The following MCPH1 variants were observed in gnomAD, a reference collection of about 807,000 sequenced individuals.
MCPH1 encodes microcephalin 1, also known as microcephalin.
MCPH1 carries 104 observed loss-of-function variants against 84.5 expected under a neutral mutation model. That is an observed-to-expected ratio of 1.23 (90% CI 1.05 to 1.45). The LOEUF (loss-of-function observed/expected upper bound fraction) is 1.45, where lower values mean the gene tolerates loss of function less well. Among genes scored for constraint, MCPH1 ranks in the 40% most tolerant of loss-of-function variants. The probability of loss-of-function intolerance (pLI) is 0.00; values close to 1 mark genes in which losing one functional copy is unlikely to be tolerated. For synonymous variants in MCPH1, 514 were observed against 366.8 expected (o/e 1.40, Z -4.58); for missense variants, 1,498 against 1,005.7 (o/e 1.49, Z -6.62).
intron 9 of MCPH1, among the ~76,000 whole-genome samples, chr8:6,459,327 G>A (rs1266530494): frequency 6.6e-6 from 1 of 152,078 alleles, no homozygotes; most frequent in Non-Finnish European, 1.5e-5. Flanking sequence ...CCAGGCTGGA[G>A]TGCAATGGCA....
At chr8:6,424,691 C>T (rs1053761272) in intron 3 of MCPH1, among the ~76,000 whole-genome samples, 2 of 152,318 alleles carry the variant, frequency 1.3e-5, no homozygotes, top group South Asian at 2.1e-4. Context: ...CCATTTAGGA[C>T]TGGGCAAATT....
At chr8:6,621,211 C>CTT in intron 12 of MCPH1, 30 of 502,320 alleles carry the variant, frequency 6.0e-5, no homozygotes, top group East Asian at 1.5e-4. Flanking sequence ...AAGGCCTACA[C>CTT]TTTTTTTTTT....
At chr8:6,410,091 T>G (rs976045024) in intron 2 of MCPH1, among the ~76,000 whole-genome samples, 1 of 152,070 alleles carries the variant, frequency 6.6e-6, no homozygotes, top group African/African-American at 2.4e-5. Flanking sequence ...TGCCTCAGCC[T>G]TCCAAGTATC....
intron 12 of MCPH1, among the ~76,000 whole-genome samples, chr8:6,548,283 T>C (rs147296023): frequency 6.6e-6 from 1 of 152,294 alleles, no homozygotes; most frequent in African/African-American, 2.4e-5. Context: ...GTGGTGTGTG[T>C]AGACCTGACA....
intron 9 of MCPH1, among the ~76,000 whole-genome samples, chr8:6,462,743 A>G (rs535668056): frequency 6.6e-6 from 1 of 152,346 alleles, no homozygotes; most frequent in South Asian, 2.1e-4. Flanking sequence ...AATAATAATA[A>G]TAGTACCAGT....
Position 6,643,141 on chromosome 8 carries a change from C to G in MCPH1, c.*92C>G, listed in dbSNP as rs1798044587. 1.8e-6 allele frequency: 2 copies of G among 1,094,690 alleles called. No individual in the cohort carries two copies. The highest frequency in any genetic ancestry group is 2.4e-5 in the East Asian group (1 of 41,840). 67.8% of individuals were successfully genotyped at this position (1,094,690 alleles called of 1,614,324 possible). ...GAAACAAAACTGTGAAGAGAAGGAA[C>G]TGGCGTATACAAGATGACTTCTGAT... On this transcript the variant is annotated 3_prime_UTR_variant, in exon 14 of 14. Coordinates refer to ENST00000344683, the MANE Select transcript of MCPH1 (RefSeq NM_024596.5).
rs532209719 is a variant in MCPH1, at chr8:6,645,953, G to C, written c.*2904G>C. 5.9e-5 allele frequency: 9 copies of C among 152,246 alleles called. No homozygotes were observed. The highest frequency in any genetic ancestry group is 2.2e-4 in the African/African-American group (9 of 41,530). The allele number at this position is 152,246 out of a possible 1,614,324, so 9.4% of individuals were successfully genotyped here. The stretch of plus-strand genomic sequence containing the variant: ...TTAAGATGATAGTCCTCAAATTGAC[G>C]TATAGATTCAATGCAATCCATTAAA... On this transcript the variant is annotated 3_prime_UTR_variant, in exon 14 of 14. Coordinates refer to ENST00000344683, the MANE Select transcript of MCPH1 (RefSeq NM_024596.5).
intron 9 of MCPH1, among the ~76,000 whole-genome samples, chr8:6,464,270 A>T (rs1029300711): frequency 6.6e-6 from 1 of 151,972 alleles, no homozygotes; most frequent in African/African-American, 2.4e-5. Context: ...AGTGGCGGGG[A>T]TGTGCTCGTT....
In MCPH1 at chr8:6,445,305, C is replaced by G. The variant is rs770430957; in HGVS notation, c.1583C>G (p.Thr528Ser). Reference sequence around the variant, plus strand: ...CCAGAGGGAAATGGCTTTTCTTACACCATTGAGGACCCTGCTCTTCCAAAA... The same window carrying G: ...CCAGAGGGAAATGGCTTTTCTTACAGCATTGAGGACCCTGCTCTTCCAAAA... ...ACPEGNGFSY[T>S]IEDPALPKGH... is the part of the protein sequence containing the mutation. Residue 528 changes from threonine to serine, a missense_variant, in exon 8 of 14, where the codon ACC (threonine) becomes AGC (serine). Physicochemically the swap from Thr to Ser is moderately conservative, Grantham distance 58. Coordinates refer to ENST00000344683, the MANE Select transcript of MCPH1 (RefSeq NM_024596.5). 2 of 1,614,182 alleles carry G rather than the reference C, an allele frequency of 1.2e-6. No homozygotes were observed. Among genetic ancestry groups the G allele is most frequent in the Non-Finnish European group, 8.5e-7 (1 of 1,180,034 alleles).
At position 6,593,964 on chromosome 8, in the gene MCPH1, G is replaced by T. The variant is rs186614333; in HGVS notation, c.2215-27490G>T. On this transcript the variant is annotated intron_variant, in intron 12 of 13. Transcript: ENST00000344683. The stretch of plus-strand genomic sequence containing the variant: ...CAGGTAGACAGAAGCATGGATAGAA[G>T]GCTGGTGGTGAGCTCCAGGTGCCTT... Among the ~76,000 whole-genome samples the T allele has an allele frequency of 4.4e-3, 673 of 152,352 alleles. 15 individuals are homozygous for T. Among genetic ancestry groups the T allele is most frequent in the African/African-American group, 0.015 (634 of 41,586 alleles).
intron 11 of MCPH1, chr8:6,494,074 G>A (rs1267593362): frequency 2.0e-5 from 3 of 152,148 alleles, no homozygotes; most frequent in Admixed American, 1.3e-4. Flanking sequence ...TTGAGTAGCT[G>A]GGATTACAGG....
intron 3 of MCPH1, among the ~76,000 whole-genome samples, chr8:6,415,703 G>C (rs2129551769): frequency 6.6e-6 from 1 of 152,254 alleles, no homozygotes; most frequent in East Asian, 1.9e-4. Context: ...AAATTGGGAA[G>C]TACGAGTCCT....
chr8:6,600,069 T>A (rs184490055), intron 12 of MCPH1, among the ~76,000 whole-genome samples: 1 of 152,378 alleles, frequency 6.6e-6, no homozygotes, highest in Non-Finnish European at 1.5e-5. Context: ...AATAGTTCGC[T>A]TCATGCTAAA....
In MCPH1 at chr8:6,445,336, T is replaced by C. The variant is rs1450443070; in HGVS notation, c.1614T>C (p.His538=). The C allele has an allele frequency of 3.1e-6, 5 of 1,614,080 alleles. No individual in the cohort carries two copies. Among genetic ancestry groups the C allele is most frequent in the Admixed American group, 3.3e-5 (2 of 60,004 alleles). ...TIEDPALPKG[H]DDDLTPLEGS... ...AGGACCCTGCTCTTCCAAAAGGACA[T>C]GATGATGATTTAACTCCTTTGGAAG... The change falls in exon 8 of 14, where the codon CAT becomes CAC. Residue 538 remains histidine (H), a synonymous_variant. Transcript: ENST00000344683.
intron 13 of MCPH1, among the ~76,000 whole-genome samples, chr8:6,622,989 C>T (rs1385772886): frequency 1.3e-5 from 2 of 151,118 alleles, no homozygotes; most frequent in Non-Finnish European, 2.9e-5. Context: ...TACAGGTGCA[C>T]ACCACGATGC....
intron 13 of MCPH1, among the ~76,000 whole-genome samples, chr8:6,641,206 T>C (rs1186813247): frequency 6.6e-6 from 1 of 152,226 alleles, no homozygotes; most frequent in Non-Finnish European, 1.5e-5. Flanking sequence ...GCATCATTTT[T>C]TCTGCATTTT....
chr8:6,444,432 A>G lies in MCPH1; in HGVS notation c.710A>G (p.Asp237Gly), dbSNP rs1048177596. The G allele has an allele frequency of 2.5e-6, 4 of 1,614,034 alleles. No homozygotes were observed. In the African/African-American group the frequency reaches 4.0e-5, roughly 16 times the overall value. The change falls in exon 8 of 14, where the codon GAT (aspartate) becomes GGT (glycine). Residue 237 changes from aspartate to glycine, a missense_variant. By Grantham distance (94) the Asp-to-Gly change is moderately conservative. Transcript: ENST00000344683. ...GGTGGCTTACACTCATCTTTTGATG[A>G]TCTTTGTGGAAACTCAGGATGTGGA... ...FAGGLHSSFD[D>G]LCGNSGCGNQ...
intron 12 of MCPH1, among the ~76,000 whole-genome samples, chr8:6,575,212 C>T (rs181389855): frequency 6.6e-6 from 1 of 152,328 alleles, no homozygotes; most frequent in East Asian, 1.9e-4. Flanking sequence ...CCTGATTAAT[C>T]TCAATGCCAG....
intron 11 of MCPH1, among the ~76,000 whole-genome samples, chr8:6,487,753 C>T (rs929234095): frequency 6.6e-6 from 1 of 152,108 alleles, no homozygotes; most frequent in Admixed American, 6.5e-5. Context: ...TTTCAAAGTC[C>T]TTTTTATCCT....
Sources: gnomAD v4.1 joint callset for allele counts (sites outside exome capture counted in the v4.1 genomes callset) on GRCh38, gnomAD v4.1.1 for gene constraint, MANE v1.5 for transcripts, NCBI Gene and HGNC (gene_info 2026-07-23, HGNC 2026-07-21) for gene names.